Variants in SLC22A3 observed in about 807,000 individuals in gnomAD.
SLC22A3 encodes the protein EMT organic cation transporter 3.
Under a neutral mutation model 59.1 loss-of-function variants are expected in SLC22A3, and 51 were observed. The observed-to-expected ratio is 0.86, with a 90% CI of 0.69 to 1.09. SLC22A3 has a LOEUF of 1.09. SLC22A3 is among the 50% of genes least tolerant of loss of function. The pLI is 0.00. For missense variants in SLC22A3, 711 were observed against 726.3 expected (o/e 0.98, Z 0.24); for synonymous variants, 325 against 292.0 (o/e 1.11, Z -1.15).
chr6:160,436,851 A>G lies in SLC22A3; in HGVS notation c.1047A>G (p.Lys349=). 6.2e-7 allele frequency: 1 copy of G among 1,614,002 alleles called. No homozygotes were observed. The highest frequency in any genetic ancestry group is 8.5e-7 in the Non-Finnish European group (1 of 1,179,898). ...TGGTGAGAACTCCCCAAATGAGGAA[A>G]TGCACACTTATTCTTATGTTTGCTT... ...LDLVRTPQMR[K]CTLILMFAWF... Residue 349 remains lysine, a synonymous_variant, in exon 6 of 11, where the codon AAA becomes AAG. Transcript: ENST00000275300.
intron 3 of SLC22A3, 58 bp from the exon 4 acceptor site, chr6:160,408,695 T>C: frequency 6.5e-7 from 1 of 1,543,414 alleles, no homozygotes; most frequent in Non-Finnish European, 8.9e-7. Context: ...TGTATTTGTT[T>C]GTTTATTTTG....
rs1404653469 is a variant in SLC22A3, at chr6:160,408,193, G to A, written c.689-560G>A. 6.6e-5 allele frequency among the ~76,000 whole-genome samples: 10 copies of A among 152,256 alleles called. No homozygotes were observed. In the South Asian group the frequency reaches 2.1e-3, roughly 32 times the overall value. The stretch of plus-strand genomic sequence containing the variant: ...AGGGGCAGGAAAGGAAAAGATTTCA[G>A]CAATAAAATTTCCCATGTGATTTTT... On this transcript the variant is annotated intron_variant, in intron 3 of 10. Coordinates refer to ENST00000275300, the MANE Select transcript of SLC22A3 (RefSeq NM_021977.4).
At chr6:160,418,315 T>C (rs1000259543) in intron 5 of SLC22A3, among the ~76,000 whole-genome samples, 2 of 152,210 alleles carry the variant, frequency 1.3e-5, no homozygotes, top group African/African-American at 4.8e-5. Context: ...CAGGTTCTTC[T>C]TGCACTTACA....
In SLC22A3 at chr6:160,451,456, G is replaced by A; in HGVS notation, c.*400G>A. 4.9e-6 allele frequency: 1 copy of A among 203,280 alleles called. No homozygotes were observed. The highest frequency in any genetic ancestry group is 1.0e-5 in the Non-Finnish European group (1 of 98,614). The allele number at this position is 203,280 out of a possible 1,614,324, so 12.6% of individuals were successfully genotyped here. A position where few individuals can be genotyped will look rare whatever the true frequency, so the allele number is the denominator to read the frequency against. On this transcript the variant is annotated 3_prime_UTR_variant, in exon 11 of 11. Transcript: ENST00000275300. ...GGATTTGAGAAAGTTGTACAGAAAT[G>A]TGTTCATCAAATCTGGTCAAGGGAC...
chr6:160,401,382 A>T (rs1044815165), intron 2 of SLC22A3, among the ~76,000 whole-genome samples: 2 of 152,038 alleles, frequency 1.3e-5, no homozygotes, highest in African/African-American at 4.8e-5. Flanking sequence ...AAACCAGGTA[A>T]GCAAGAAGAA....
At chr6:160,436,722 C>T (rs945485779) in intron 5 of SLC22A3, 58 bp from the exon 6 acceptor site, 3 of 1,091,420 alleles carry the variant, frequency 2.7e-6, no homozygotes, top group East Asian at 4.8e-5. Context: ...CAAGTCTATA[C>T]TATGCAGGTT....
intron 5 of SLC22A3, among the ~76,000 whole-genome samples, chr6:160,427,130 G>A (rs1486842622): frequency 6.6e-6 from 1 of 152,100 alleles, no homozygotes; most frequent in Non-Finnish European, 1.5e-5. Flanking sequence ...AGCACCCTGA[G>A]CAAGAAGCAA....
At chr6:160,356,364 G>A (rs978512412) in intron 1 of SLC22A3, among the ~76,000 whole-genome samples, 1 of 152,214 alleles carries the variant, frequency 6.6e-6, no homozygotes. Flanking sequence ...TCCTAATGTA[G>A]GGGGTGTGAC....
intron 5 of SLC22A3, among the ~76,000 whole-genome samples, chr6:160,419,411 T>C (rs1787638594): frequency 6.6e-6 from 1 of 152,198 alleles, no homozygotes; most frequent in Admixed American, 6.5e-5. Flanking sequence ...GGGATGGTGG[T>C]ATTTCAGTTC....
At chr6:160,422,430 T>C (rs2114885279) in intron 5 of SLC22A3, among the ~76,000 whole-genome samples, 1 of 152,310 alleles carries the variant, frequency 6.6e-6, no homozygotes, top group East Asian at 1.9e-4. Flanking sequence ...ATCTCATAAA[T>C]GGGTGGATGA....
intron 5 of SLC22A3, among the ~76,000 whole-genome samples, chr6:160,429,849 T>TAA (rs148961501): frequency 8.3e-4 from 120 of 143,908 alleles, no homozygotes; most frequent in Non-Finnish European, 1.6e-3. Flanking sequence ...ATCCATTTCT[T>TAA]AAAAAAAAAA....
intron 9 of SLC22A3, among the ~76,000 whole-genome samples, chr6:160,447,345 C>G (rs1257505213): frequency 6.6e-6 from 1 of 152,070 alleles, no homozygotes; most frequent in African/African-American, 2.4e-5. Flanking sequence ...GGGAGAGGGG[C>G]AGGTAAGTGA....
intron 7 of SLC22A3, 137 bp from the exon 8 acceptor site, chr6:160,442,624 A>G (rs1788588797): frequency 1.4e-6 from 1 of 721,136 alleles, no homozygotes; most frequent in Non-Finnish European, 2.5e-6. Context: ...ACATTATTAG[A>G]AAGTTCTATC....
Position 160,451,045 on chromosome 6 carries a change from T to A in SLC22A3, c.1660T>A (p.Ser554Thr), listed in dbSNP as rs753151503. ...GAATAAGAAAACCCCAGTTTCCCGC[T>A]CTCACCTTTGAGGCCCCCGACAAAG... is the stretch of plus-strand genomic sequence containing the variant. Reference protein sequence around the residue: ...GRNKKTPVSRSHL With the variant: ...GRNKKTPVSRTHL The change falls in exon 11 of 11, where the codon TCT becomes ACT. Residue 554 changes from serine to threonine, a missense_variant. Physicochemically the swap from Ser to Thr is moderately conservative, Grantham distance 58. Coordinates refer to ENST00000275300, the MANE Select transcript of SLC22A3 (RefSeq NM_021977.4). 6.3e-7 allele frequency: 1 copy of A among 1,593,570 alleles called. No individual in the cohort carries two copies.
intron 1 of SLC22A3, among the ~76,000 whole-genome samples, chr6:160,353,139 A>T (rs543969362): frequency 6.6e-6 from 1 of 152,200 alleles, no homozygotes; most frequent in African/African-American, 2.4e-5. Context: ...TGAAAGCAGG[A>T]CTCTAATGAG....
At chr6:160,401,619 T>C (rs1185057080) in intron 2 of SLC22A3, among the ~76,000 whole-genome samples, 1 of 152,018 alleles carries the variant, frequency 6.6e-6, no homozygotes, top group Non-Finnish European at 1.5e-5. Flanking sequence ...GAATAAGCAA[T>C]TGAGAATATG....
At chr6:160,416,098 C>T (rs188338802) in intron 5 of SLC22A3, among the ~76,000 whole-genome samples, 67 of 152,320 alleles carry the variant, frequency 4.4e-4, no homozygotes, top group Non-Finnish European at 2.4e-4. Flanking sequence ...TAGGCAAACT[C>T]TGTCTCTGCC....
At chr6:160,363,912 C>A (rs1785112375) in intron 1 of SLC22A3, among the ~76,000 whole-genome samples, 1 of 151,818 alleles carries the variant, frequency 6.6e-6, no homozygotes, top group Admixed American at 6.6e-5. Flanking sequence ...TCCCCACTTG[C>A]TGGGAGTGAA....
chr6:160,364,036 T>C (rs181428457), intron 1 of SLC22A3, among the ~76,000 whole-genome samples: 1 of 152,206 alleles, frequency 6.6e-6, no homozygotes, highest in South Asian at 2.1e-4. Flanking sequence ...ATAAAATGTA[T>C]AATAATGAAA....
Sources: gnomAD v4.1 joint callset for allele counts (sites outside exome capture counted in the v4.1 genomes callset) on GRCh38, gnomAD v4.1.1 for gene constraint, MANE v1.5 for transcripts, NCBI Gene and HGNC (gene_info 2026-07-23, HGNC 2026-07-21) for gene names.